Variants in FRAS1 observed in about 807,000 individuals in gnomAD.
The protein encoded by FRAS1 is Fraser extracellular matrix complex subunit 1.
Under a neutral mutation model 435.2 loss-of-function variants are expected in FRAS1, and 290 were observed. The ratio of observed to expected loss-of-function variants is 0.67; its 90% CI spans 0.61 to 0.73. The LOEUF is 0.73. Ranked by LOEUF, FRAS1 falls within the 30% of genes least tolerant of loss-of-function variation. FRAS1 has a pLI of 0.00. For missense variants in FRAS1, 4,860 were observed against 5,001.5 expected, an observed-to-expected ratio of 0.97 and a Z score of 0.85; for synonymous variants, 1,800 against 1,851.0, an observed-to-expected ratio of 0.97 and a Z score of 0.71.
chr4:78,057,753 G>T lies in FRAS1; in HGVS notation c.-257G>T, dbSNP rs78363185. Reference sequence around the variant, plus strand: ...CTCCTCTTATTCTCCCAAAGCTCACGTTGGCGTCCTGCCTTGCGGGGGAAC... The same window carrying T: ...CTCCTCTTATTCTCCCAAAGCTCACTTTGGCGTCCTGCCTTGCGGGGGAAC... On this transcript the variant is annotated 5_prime_UTR_variant, in exon 1 of 74. Transcript: ENST00000512123. The surrounding 1 kb of genome is among the most constrained non-coding windows in gnomAD (Gnocchi z 4.2). 5.2e-3 allele frequency: 2,851 copies of T among 544,834 alleles called. 63 individuals carry two copies. Among genetic ancestry groups the T allele is most frequent in the African/African-American group, 0.048 (2,555 of 52,926 alleles). The allele number at this position is 544,834 out of a possible 1,614,324, so 33.7% of individuals were successfully genotyped here. A position where few individuals can be genotyped will look rare whatever the true frequency, so the allele number is the denominator to read the frequency against.
At chr4:78,338,983 C>T (rs140527646) in intron 20 of FRAS1, among the ~76,000 whole-genome samples, 14 of 152,290 alleles carry the variant, frequency 9.2e-5, no homozygotes, top group South Asian at 2.1e-4. Flanking sequence ...GGATTCGGAG[C>T]GGAAGCCCAA....
chr4:78,423,355 C>T lies in FRAS1; in HGVS notation c.4679-1033C>T, dbSNP rs997209110. On this transcript the variant is annotated intron_variant, in intron 34 of 73. Coordinates refer to ENST00000512123, the MANE Select transcript of FRAS1 (RefSeq NM_025074.7). ...CTAAGTTTTGTATTTTTAGTAGAGA[C>T]GGGGTTTCACCATATTGGTCAGGCT... Among the ~76,000 whole-genome samples the T allele has an allele frequency of 3.9e-5, 6 of 151,968 alleles. 1 individual carries two copies. Among genetic ancestry groups the T allele is most frequent in the African/African-American group, 1.4e-4 (6 of 41,468 alleles).
intron 4 of FRAS1, among the ~76,000 whole-genome samples, chr4:78,251,667 A>G (rs1309441074): frequency 6.6e-6 from 1 of 152,208 alleles, no homozygotes; most frequent in East Asian, 1.9e-4. Flanking sequence ...TAACCCTCAG[A>G]AGAGCCCACT....
intron 2 of FRAS1, among the ~76,000 whole-genome samples, chr4:78,116,776 C>T (rs752271761): frequency 6.6e-6 from 1 of 152,176 alleles, no homozygotes; most frequent in Non-Finnish European, 1.5e-5. Flanking sequence ...GGTCTTGACT[C>T]TTTATCCCAT....
In FRAS1 at chr4:78,544,015, T is replaced by C. The variant is rs1025702604; in HGVS notation, c.*2891T>C. On this transcript the variant is annotated 3_prime_UTR_variant, in exon 74 of 74. Transcript: ENST00000512123. ...GACTCCTGCAGATTCTATTGTTGGG[T>C]GGGAAATAGTGTTGGAATGTGTTTG... 5.9e-5 allele frequency: 9 copies of C among 152,666 alleles called. No homozygotes were observed. Among genetic ancestry groups the C allele is most frequent in the African/African-American group, 2.2e-4 (9 of 41,446 alleles). The allele number at this position is 152,666 out of a possible 1,614,324, so 9.5% of individuals were successfully genotyped here.
chr4:78,158,832 C>T (rs1199514058), intron 2 of FRAS1, among the ~76,000 whole-genome samples: 2 of 152,168 alleles, frequency 1.3e-5, no homozygotes, highest in Admixed American at 1.3e-4. Flanking sequence ...ATTTATGCCG[C>T]TGCCGTTCCG....
intron 2 of FRAS1, among the ~76,000 whole-genome samples, chr4:78,212,742 A>G (rs963300356): frequency 6.6e-6 from 1 of 152,216 alleles, no homozygotes; most frequent in African/African-American, 2.4e-5. Flanking sequence ...TATTGATTCT[A>G]CTTACTGTGA....
At chr4:78,341,152 G>A (rs1730382001) in intron 20 of FRAS1, among the ~76,000 whole-genome samples, 1 of 152,198 alleles carries the variant, frequency 6.6e-6, no homozygotes, top group Non-Finnish European at 1.5e-5. Context: ...AAGCTTTCCG[G>A]AGGATGTCAC....
In FRAS1 at chr4:78,267,230, C is replaced by G; in HGVS notation, c.790-11C>G. 2 of 1,612,668 alleles carry G rather than the reference C, an allele frequency of 1.2e-6. No individual in the cohort carries two copies. Among genetic ancestry groups the G allele is most frequent in the Non-Finnish European group, 8.5e-7 (1 of 1,179,354 alleles). On this transcript the variant is annotated splice_polypyrimidine_tract_variant and intron_variant, in intron 8 of 73. Coordinates refer to ENST00000512123, the MANE Select transcript of FRAS1 (RefSeq NM_025074.7). ...TGAGGACTGCCCCTCACCTTCCTCT[C>G]TGTGTCCTAGGGTCAGAGCAGGGCT...
Position 78,057,935 on chromosome 4 carries a change from G to A in FRAS1, c.-75G>A, listed in dbSNP as rs933950815. ...TCAGTGCGCCCGGGTTCCAAGCGCCGGAGCCAGCGTTTTGGCGGAGCCGCT... is the reference window on the plus strand; with the variant it reads ...TCAGTGCGCCCGGGTTCCAAGCGCCAGAGCCAGCGTTTTGGCGGAGCCGCT... On this transcript the variant is annotated 5_prime_UTR_variant, in exon 1 of 74. Transcript: ENST00000512123. The surrounding 1 kb of genome is among the most constrained non-coding windows in gnomAD (Gnocchi z 4.2). The A allele has an allele frequency of 5.5e-6, 8 of 1,448,362 alleles. No homozygotes were observed. In the African/African-American group the frequency reaches 7.0e-5, roughly 13 times the overall value. The allele number at this position is 1,448,362 out of a possible 1,614,324, so 89.7% of individuals were successfully genotyped here.
intron 9 of FRAS1, among the ~76,000 whole-genome samples, chr4:78,273,528 T>C (rs934677028): frequency 1.2e-4 from 19 of 152,388 alleles, no homozygotes; most frequent in African/African-American, 3.8e-4. Flanking sequence ...CATGAAGGGC[T>C]GTTGAATTTT....
chr4:78,111,972 C>T (rs928663840), intron 2 of FRAS1, among the ~76,000 whole-genome samples: 6 of 152,032 alleles, frequency 3.9e-5, no homozygotes, highest in Non-Finnish European at 7.4e-5. Flanking sequence ...ATTAGAAAAA[C>T]TTAAGAATGT....
intron 26 of FRAS1, among the ~76,000 whole-genome samples, chr4:78,377,998 C>G (rs1437984498): frequency 6.6e-6 from 1 of 152,060 alleles, no homozygotes; most frequent in Non-Finnish European, 1.5e-5. Flanking sequence ...CAAAGTTGTG[C>G]AACTATCACC....
At chr4:78,076,226 G>T (rs780180297) in intron 2 of FRAS1, among the ~76,000 whole-genome samples, 5 of 152,096 alleles carry the variant, frequency 3.3e-5, no homozygotes, top group Admixed American at 3.3e-4. Flanking sequence ...TATTCCAACA[G>T]TGAGTCAGTA....
chr4:78,376,817 C>T (rs1054819531), intron 26 of FRAS1, among the ~76,000 whole-genome samples: 1 of 151,994 alleles, frequency 6.6e-6, no homozygotes, highest in Non-Finnish European at 1.5e-5. Context: ...ATGGCAAAAC[C>T]CCGTCTCTAC....
intron 41 of FRAS1, chr4:78,444,001 A>G: frequency 2.9e-6 from 1 of 350,420 alleles, no homozygotes; most frequent in South Asian, 2.2e-5. Context: ...GGCATCCGCC[A>G]TCATGCCTGG....
intron 60 of FRAS1, among the ~76,000 whole-genome samples, chr4:78,497,754 C>G (rs1318467558): frequency 1.3e-5 from 2 of 152,148 alleles, no homozygotes; most frequent in East Asian, 1.9e-4. Context: ...CTGTCTGATT[C>G]TAGAATCTGT....
intron 60 of FRAS1, among the ~76,000 whole-genome samples, chr4:78,498,569 A>G (rs936135227): frequency 6.6e-6 from 1 of 152,022 alleles, no homozygotes; most frequent in African/African-American, 2.4e-5. Flanking sequence ...TTCAAAGGGC[A>G]TTCTTATTAA....
intron 2 of FRAS1, among the ~76,000 whole-genome samples, chr4:78,077,319 A>G (rs1295364531): frequency 6.6e-6 from 1 of 152,158 alleles, no homozygotes; most frequent in Non-Finnish European, 1.5e-5. Context: ...TCAGTGAGCC[A>G]TGATCATACC....
Sources: gnomAD v4.1 joint callset for allele counts (sites outside exome capture counted in the v4.1 genomes callset) on GRCh38, gnomAD v4.1.1 for gene constraint, Gnocchi (gnomAD v3.1) non-coding constraint, MANE v1.5 for transcripts, NCBI Gene and HGNC (gene_info 2026-07-23, HGNC 2026-07-21) for gene names.